The following GRIA1 variants were observed in gnomAD, a reference collection of about 807,000 sequenced individuals.
The protein encoded by GRIA1 is glutamate ionotropic receptor AMPA type subunit 1.
GRIA1 carries 31 observed loss-of-function variants against 99.2 expected under a neutral mutation model. The ratio of observed to expected loss-of-function variants is 0.31; its 90% CI spans 0.23 to 0.42. The LOEUF is 0.42. GRIA1 is among the 10% of genes least tolerant of loss of function. The pLI is 1.00. For synonymous variants in GRIA1, 438 were observed against 432.4 expected, an observed-to-expected ratio of 1.01 and a Z score of -0.16; for missense variants, 782 against 1,157.5, an observed-to-expected ratio of 0.68 and a Z score of 4.71.
chr5:153,493,941 A>G lies in GRIA1; in HGVS notation c.96A>G (p.Pro32=), dbSNP rs763830390. Residue 32 remains proline (P), a synonymous_variant, in exon 2 of 16, where the codon CCA becomes CCG. Coordinates refer to ENST00000285900, the MANE Select transcript of GRIA1 (RefSeq NM_000827.4). ...CTTTTCTCATAGGGGGATTATTTCCAAACCAGCAGTCACAGGAACATGCTG... is the reference window on the plus strand; with the variant it reads ...CTTTTCTCATAGGGGGATTATTTCCGAACCAGCAGTCACAGGAACATGCTG... ...PNNIQIGGLF[P]NQQSQEHAAF... 6.2e-7 allele frequency: 1 copy of G among 1,614,080 alleles called. No homozygotes were observed. The highest frequency in any genetic ancestry group is 8.5e-7 in the Non-Finnish European group (1 of 1,179,942).
At chr5:153,733,201 A>G (rs1220605245) in intron 11 of GRIA1, among the ~76,000 whole-genome samples, 1 of 152,066 alleles carries the variant, frequency 6.6e-6, no homozygotes, top group Non-Finnish European at 1.5e-5. Flanking sequence ...TCAAAAACAA[A>G]ATGAAGAGGC....
intron 2 of GRIA1, among the ~76,000 whole-genome samples, chr5:153,582,108 A>T (rs1289967231): frequency 6.6e-6 from 1 of 152,200 alleles, no homozygotes; most frequent in Non-Finnish European, 1.5e-5. Flanking sequence ...TGGAAGAATA[A>T]AGGTGCCGTA....
At chr5:153,764,205 T>C (rs1763363674) in intron 11 of GRIA1, among the ~76,000 whole-genome samples, 1 of 152,190 alleles carries the variant, frequency 6.6e-6, no homozygotes, top group African/African-American at 2.4e-5. Flanking sequence ...GCATGTGGGC[T>C]TTATCACCCC....
At chr5:153,632,878 A>C (rs147723929) in intron 2 of GRIA1, among the ~76,000 whole-genome samples, 1 of 152,240 alleles carries the variant, frequency 6.6e-6, no homozygotes, top group African/African-American at 2.4e-5. Context: ...TTAGAACCTT[A>C]GAGGAGGAAG....
chr5:153,701,288 C>T (rs1191891893), intron 10 of GRIA1, among the ~76,000 whole-genome samples: 3 of 152,100 alleles, frequency 2.0e-5, no homozygotes, highest in African/African-American at 7.2e-5. Context: ...CCTCAGTAGC[C>T]TCCTCCTTAT....
intron 2 of GRIA1, among the ~76,000 whole-genome samples, chr5:153,579,767 A>C (rs1251904416): frequency 3.9e-5 from 6 of 152,154 alleles, no homozygotes; most frequent in African/African-American, 9.7e-5. Context: ...GTTTGCTTCA[A>C]GGTCACACTG....
chr5:153,793,439 T>C (rs1765441100), intron 13 of GRIA1, among the ~76,000 whole-genome samples: 1 of 152,210 alleles, frequency 6.6e-6, no homozygotes, highest in Non-Finnish European at 1.5e-5. Context: ...CTTAAGGTGA[T>C]ACCATCATCA....
chr5:153,774,065 A>ACCCCCCCC (rs1200579843), intron 13 of GRIA1, among the ~76,000 whole-genome samples: 2 of 54,894 alleles, frequency 3.6e-5, no homozygotes, highest in African/African-American at 7.3e-5. Flanking sequence ...CTACACCCCA[A>ACCCCCCCC]CCCCCCCTCC....
At chr5:153,686,380 A>G in intron 8 of GRIA1, 51 bp downstream of exon 8, 1 of 1,388,286 alleles carries the variant, frequency 7.2e-7, no homozygotes, top group Non-Finnish European at 1.0e-6. Flanking sequence ...CTGAGCAGGG[A>G]CTCTGGCCAG....
At chr5:153,593,979 T>C (rs1698578877) in intron 2 of GRIA1, among the ~76,000 whole-genome samples, 1 of 152,252 alleles carries the variant, frequency 6.6e-6, no homozygotes, top group African/African-American at 2.4e-5. Flanking sequence ...ACTTCATTGA[T>C]TGGAGATGAA....
chr5:153,579,291 T>C (rs1023901254), intron 2 of GRIA1, among the ~76,000 whole-genome samples: 2 of 152,266 alleles, frequency 1.3e-5, no homozygotes, highest in African/African-American at 4.8e-5. Context: ...CATTTGTTTA[T>C]TGAAGTTTGC....
chr5:153,749,053 C>A (rs1762338917), intron 11 of GRIA1, among the ~76,000 whole-genome samples: 1 of 151,930 alleles, frequency 6.6e-6, no homozygotes, highest in South Asian at 2.1e-4. Flanking sequence ...AGCAATAGCT[C>A]AAGATTAAGC....
chr5:153,694,900 G>A (rs1757985233), intron 8 of GRIA1, among the ~76,000 whole-genome samples: 1 of 151,792 alleles, frequency 6.6e-6, no homozygotes, highest in South Asian at 2.1e-4. Flanking sequence ...AAGAAAGACA[G>A]GAAGGAAAGG....
chr5:153,623,976 C>G (rs1767325679), intron 2 of GRIA1, among the ~76,000 whole-genome samples: 1 of 152,080 alleles, frequency 6.6e-6, no homozygotes, highest in Admixed American at 6.6e-5. Flanking sequence ...GGATTGAAAT[C>G]ATACTAATGA....
intron 7 of GRIA1, 151 bp downstream of exon 7, chr5:153,677,312 C>A: frequency 1.9e-6 from 1 of 537,960 alleles, no homozygotes; most frequent in Non-Finnish European, 2.8e-6. Flanking sequence ...TGGTTCTTAG[C>A]ATACATTGAA....
chr5:153,525,515 A>G (rs1459124600), intron 2 of GRIA1: 2 of 152,038 alleles, frequency 1.3e-5, no homozygotes, highest in African/African-American at 2.4e-5. Flanking sequence ...AAAAAAGAGT[A>G]TAAAATTAAA....
chr5:153,673,435 C>T (rs1176609794), intron 5 of GRIA1, among the ~76,000 whole-genome samples: 16 of 152,212 alleles, frequency 1.1e-4, no homozygotes, highest in Admixed American at 1.0e-3. Context: ...GTCTTCCCCA[C>T]TAGAATATAA....
At chr5:153,690,714 C>T (rs960903198) in intron 8 of GRIA1, among the ~76,000 whole-genome samples, 18 of 152,152 alleles carry the variant, frequency 1.2e-4, no homozygotes, top group Non-Finnish European at 1.6e-4. Context: ...ACCTTAAAAT[C>T]CATGAGCAAA....
At chr5:153,495,650 T>G (rs951186537) in intron 2 of GRIA1, among the ~76,000 whole-genome samples, 3 of 152,202 alleles carry the variant, frequency 2.0e-5, no homozygotes, top group Non-Finnish European at 2.9e-5. Context: ...CAATTCTTCA[T>G]TTTGGTAATG....
Sources: allele counts gnomAD v4.1 joint callset (sites outside exome capture counted in the v4.1 genomes callset), GRCh38; gene constraint gnomAD v4.1.1; transcripts MANE v1.5; gene names NCBI Gene and HGNC (gene_info 2026-07-23, HGNC 2026-07-21).